Variants in PDS5A observed in about 807,000 individuals in gnomAD.
The protein encoded by PDS5A is PDS5 cohesin associated factor A.
PDS5A carries 42 observed loss-of-function variants against 167.1 expected under a neutral mutation model. The observed-to-expected ratio is 0.25, with a 90% CI of 0.20 to 0.33. PDS5A has a LOEUF of 0.33. PDS5A is among the 10% of genes least tolerant of loss of function. The pLI is 1.00. For missense variants in PDS5A, 1,033 were observed against 1,605.9 expected, an observed-to-expected ratio of 0.64 and a Z score of 6.10; for synonymous variants, 553 against 554.6, an observed-to-expected ratio of 1.00 and a Z score of 0.04.
At position 39,976,426 on chromosome 4, in the gene PDS5A, G is replaced by A. The variant is rs771707836; in HGVS notation, c.138+14C>T. 6.8e-6 allele frequency: 11 copies of A among 1,607,828 alleles called. No individual in the cohort carries two copies. Among genetic ancestry groups the A allele is most frequent in the Admixed American group, 1.7e-5 (1 of 59,874 alleles). ...CCTTCTACCAAAGACATCAAAATCC[G>A]TCCAGACACTTACCTTCAGGCGTTT... On this transcript the variant is annotated intron_variant, in intron 2 of 32. Coordinates refer to ENST00000303538, the MANE Select transcript of PDS5A (RefSeq NM_001100399.2).
At chr4:39,829,353 T>C (rs891624927) in intron 32 of PDS5A, among the ~76,000 whole-genome samples, 2 of 152,022 alleles carry the variant, frequency 1.3e-5, no homozygotes, top group African/African-American at 4.8e-5. Flanking sequence ...TGAAGGGCAG[T>C]CAAAACATCA....
intron 8 of PDS5A, among the ~76,000 whole-genome samples, chr4:39,915,343 A>ATTTTTTTTTTT (rs3070904): frequency 2.3e-5 from 2 of 88,728 alleles, no homozygotes; most frequent in African/African-American, 9.6e-5. Flanking sequence ...AACCGGCCTG[A>ATTTTTTTTTTT]TTTTTTTTTT....
intron 7 of PDS5A, among the ~76,000 whole-genome samples, chr4:39,918,182 CAAAA>C (rs11447119): frequency 1.1e-5 from 1 of 88,610 alleles, no homozygotes; most frequent in Non-Finnish European, 2.2e-5. Flanking sequence ...GACCCTGTCT[CAAAA>C]AAAAAAAAAA....
intron 2 of PDS5A, among the ~76,000 whole-genome samples, chr4:39,959,483 TG>T (rs1257245609): frequency 6.6e-6 from 1 of 152,070 alleles, no homozygotes; most frequent in Non-Finnish European, 1.5e-5. Context: ...CCTGAGTAGC[TG>T]GGACTACAGG....
intron 26 of PDS5A, 130 bp from the exon 27 acceptor site, chr4:39,849,782 A>G: frequency 1.7e-6 from 1 of 579,788 alleles, no homozygotes. Context: ...TGACTAATAT[A>G]TGTTATTATC....
intron 2 of PDS5A, 115 bp downstream of exon 2, chr4:39,976,325 A>AG: frequency 1.4e-6 from 1 of 702,804 alleles, no homozygotes; most frequent in Non-Finnish European, 2.4e-6. Flanking sequence ...TACCTTTCAG[A>AG]GGGGGTAAGA....
intron 2 of PDS5A, among the ~76,000 whole-genome samples, chr4:39,968,581 C>T (rs112385597): frequency 0.2 from 29,410 of 149,080 alleles, 3,355 homozygotes; most frequent in South Asian, 0.28. Flanking sequence ...TACAGGCATG[C>T]GCCACCACAC....
At chr4:39,856,042 G>A (rs190373751) in intron 26 of PDS5A, among the ~76,000 whole-genome samples, 1 of 152,224 alleles carries the variant, frequency 6.6e-6, no homozygotes, top group Admixed American at 6.5e-5. Flanking sequence ...AGGGTCAAAT[G>A]GTTGAACATT....
intron 31 of PDS5A, 46 bp from the exon 32 acceptor site, chr4:39,838,254 T>G (rs1414709655): frequency 7.9e-7 from 1 of 1,262,632 alleles, no homozygotes; most frequent in Admixed American, 2.8e-5. Flanking sequence ...TCCTTAAATA[T>G]TAATGATCTC....
At position 39,913,715 on chromosome 4, in the gene PDS5A, T is replaced by C; in HGVS notation, c.888A>G (p.Gly296=). The C allele has an allele frequency of 1.9e-6, 3 of 1,581,348 alleles. No individual in the cohort carries two copies. The highest frequency in any genetic ancestry group is 1.3e-5 in the African/African-American group (1 of 74,370). Reference sequence around the variant, plus strand: ...GTCGAACAACAGCTAATCGCTCTTCTCCATCATTGCTCTAAGAAGGGAAAA... The same window carrying C: ...GTCGAACAACAGCTAATCGCTCTTCCCCATCATTGCTCTAAGAAGGGAAAA... ...QLEFKLKSND[G]EERLAVVRLL... Residue 296 remains glycine, a synonymous_variant, in exon 9 of 33, where the codon GGA becomes GGG. Transcript: ENST00000303538.
chr4:39,861,413 G>A (rs1440453180), intron 26 of PDS5A, among the ~76,000 whole-genome samples: 2 of 151,916 alleles, frequency 1.3e-5, no homozygotes, highest in African/African-American at 4.8e-5. Context: ...AGCCAAGATC[G>A]TGCCACTGCA....
rs184234404 is a variant in PDS5A at position 39,911,787 on chromosome 4, G to A, written c.993-1449C>T. 4.1e-4 allele frequency among the ~76,000 whole-genome samples: 60 copies of A among 144,674 alleles called. 1 individual carries two copies. The East Asian group carries it at 9.9e-3, about 24-fold the overall frequency. 94.9% of individuals were successfully genotyped at this position (144,674 alleles called of 152,430 possible). A position where few individuals can be genotyped will look rare whatever the true frequency, so the allele number is the denominator to read the frequency against. ...GCGAAGCTTGCAGTGAGCAGAGATC[G>A]CGCCACTGCACTCCAGCCTGGGCGA... On this transcript the variant is annotated intron_variant, in intron 9 of 32. Transcript: ENST00000303538.
chr4:39,956,490 CAAAA>C (rs71194945), intron 2 of PDS5A, among the ~76,000 whole-genome samples: 2 of 92,326 alleles, frequency 2.2e-5, no homozygotes, highest in African/African-American at 4.5e-5. Flanking sequence ...GAGACTGTCT[CAAAA>C]AAAAAAAAAA....
At chr4:39,951,898 C>CAAAAAAAAAAAAAAAA (rs1161911794) in intron 2 of PDS5A, among the ~76,000 whole-genome samples, 5 of 68,818 alleles carry the variant, frequency 7.3e-5, no homozygotes, top group East Asian at 5.1e-4. Context: ...GAGTCTGTCT[C>CAAAAAAAAAAAAAAAA]AAAAAAAAAA....
At chr4:39,852,710 G>C (rs1718220179) in intron 26 of PDS5A, among the ~76,000 whole-genome samples, 1 of 152,094 alleles carries the variant, frequency 6.6e-6, no homozygotes. Context: ...CTCCTAGGAA[G>C]CTTGTGCCAT....
chr4:39,964,431 C>T (rs1729783876), intron 2 of PDS5A, among the ~76,000 whole-genome samples: 1 of 152,202 alleles, frequency 6.6e-6, no homozygotes, highest in African/African-American at 2.4e-5. Context: ...AAGCCAGACT[C>T]AGAGGCTTAT....
rs996779345 is a variant in PDS5A, at chr4:39,850,177, C to T, written c.3087-525G>A. Among the ~76,000 whole-genome samples the T allele has an allele frequency of 1.4e-4, 21 of 150,938 alleles. 1 individual carries two copies. The South Asian group carries it at 3.1e-3, about 22-fold the overall frequency. ...GTCCCGGCTACTCGGGAGGCTGAGG[C>T]AGGAGAATGGCGTGAACCCAGGAGG... is the stretch of plus-strand genomic sequence containing the variant. On this transcript the variant is annotated intron_variant, in intron 26 of 32. Transcript: ENST00000303538.
chr4:39,896,271 C>T (rs1283702861), intron 16 of PDS5A, among the ~76,000 whole-genome samples: 2 of 150,872 alleles, frequency 1.3e-5, no homozygotes, highest in African/African-American at 2.4e-5. Context: ...GTCTCAAATT[C>T]CTGGCTTCAA....
chr4:39,969,609 T>C (rs938019117), intron 2 of PDS5A, among the ~76,000 whole-genome samples: 1 of 150,348 alleles, frequency 6.7e-6, no homozygotes, highest in Non-Finnish European at 1.5e-5. Flanking sequence ...GAGGTTGCAG[T>C]GAGCCGAGAT....
Sources: gnomAD v4.1 joint callset for allele counts (sites outside exome capture counted in the v4.1 genomes callset) on GRCh38, gnomAD v4.1.1 for gene constraint, MANE v1.5 for transcripts, NCBI Gene and HGNC (gene_info 2026-07-23, HGNC 2026-07-21) for gene names.